The following ACTR3C variants were observed in gnomAD, a reference collection of about 807,000 sequenced individuals.
ACTR3C encodes the protein actin related protein 3C.
Under a neutral mutation model 26.3 loss-of-function variants are expected in ACTR3C, and 18 were observed. That is an observed-to-expected ratio of 0.68 (90% CI 0.47 to 1.01). The LOEUF is 1.01. ACTR3C is among the 50% of genes least tolerant of loss of function. The probability of loss-of-function intolerance (pLI) is 0.00; values close to 1 mark genes in which losing one functional copy is unlikely to be tolerated. For synonymous variants in ACTR3C, 55 were observed against 94.5 expected (o/e 0.58, Z 2.42); for missense variants, 184 against 250.7 (o/e 0.73, Z 1.80).
the ACTR3C span, among the ~76,000 whole-genome samples, chr7:150,160,579 G>A: frequency 2.0e-5 from 3 of 152,126 alleles, no homozygotes; most frequent in African/African-American, 7.2e-5. Context: ...TGCTACAGTT[G>A]TACAGGAATG....
chr7:149,969,576 C>T, the ACTR3C span, among the ~76,000 whole-genome samples: 25 of 152,142 alleles, frequency 1.6e-4, no homozygotes, highest in African/African-American at 5.3e-4. Context: ...TGCCTCTTAT[C>T]TGTACCTAAA....
chr7:150,015,079 C>T, the ACTR3C span, among the ~76,000 whole-genome samples: 1 of 152,198 alleles, frequency 6.6e-6, no homozygotes, highest in Non-Finnish European at 1.5e-5. Context: ...CAGAGTTCTA[C>T]AACTCAGGCA....
At chr7:150,068,637 G>T in the ACTR3C span, among the ~76,000 whole-genome samples, 1 of 122,872 alleles carries the variant, frequency 8.1e-6, no homozygotes, top group South Asian at 2.7e-4. Context: ...AAAAAAAATA[G>T]GCGGGTGTGG....
chr7:150,171,043 A>T, the ACTR3C span, among the ~76,000 whole-genome samples: 1 of 135,644 alleles, frequency 7.4e-6, no homozygotes, highest in South Asian at 2.5e-4. Context: ...ATAGACTGTC[A>T]TACCTCTCTC....
At chr7:149,895,395 G>A in the ACTR3C span, among the ~76,000 whole-genome samples, 2 of 151,682 alleles carry the variant, frequency 1.3e-5, no homozygotes, top group African/African-American at 4.9e-5. Flanking sequence ...CATGTTATGT[G>A]CTCTCACCAC....
chr7:150,319,972 AT>A (rs1035268770), intron 1 of ACTR3C, among the ~76,000 whole-genome samples: 4 of 152,222 alleles, frequency 2.6e-5, no homozygotes, highest in African/African-American at 9.6e-5. Context: ...GAAGATCAGC[AT>A]TTCCTTCCGT....
chr7:150,303,840 G>T (rs184525502), intron 1 of ACTR3C, among the ~76,000 whole-genome samples: 104 of 152,310 alleles, frequency 6.8e-4, no homozygotes, highest in African/African-American at 2.4e-3. Context: ...GAATAATCTG[G>T]TTTTTTAAAT....
At chr7:150,152,775 C>G in the ACTR3C span, among the ~76,000 whole-genome samples, 1 of 152,016 alleles carries the variant, frequency 6.6e-6, no homozygotes, top group Admixed American at 6.6e-5. Flanking sequence ...GTCCTGGACT[C>G]TTTTTGGTTG....
At chr7:150,028,053 ACT>A in the ACTR3C span, among the ~76,000 whole-genome samples, 1 of 152,256 alleles carries the variant, frequency 6.6e-6, no homozygotes, top group African/African-American at 2.4e-5. Flanking sequence ...ACCAGAAAAC[ACT>A]CTTCATTGAA....
At chr7:150,316,114 C>G (rs938824871) in intron 1 of ACTR3C, among the ~76,000 whole-genome samples, 1 of 152,172 alleles carries the variant, frequency 6.6e-6, no homozygotes, top group African/African-American at 2.4e-5. Flanking sequence ...GGATAATTGC[C>G]TGAACCCGGG....
chr7:150,294,163 C>T (rs940520695), intron 2 of ACTR3C, among the ~76,000 whole-genome samples: 15 of 152,132 alleles, frequency 9.9e-5, no homozygotes, highest in African/African-American at 3.1e-4. Context: ...ATTTTTCAAC[C>T]AAAGAAAATG....
the ACTR3C span, among the ~76,000 whole-genome samples, chr7:150,126,251 C>T: frequency 1.1e-4 from 16 of 152,298 alleles, no homozygotes; most frequent in Admixed American, 5.9e-4. Flanking sequence ...CTGGAATACT[C>T]TTGTGTTTGT....
At chr7:150,033,644 A>AC in the ACTR3C span, among the ~76,000 whole-genome samples, 23 of 151,074 alleles carry the variant, frequency 1.5e-4, no homozygotes, top group African/African-American at 4.9e-4. Context: ...CAGAGGGGGA[A>AC]AAGGGAGTGG....
the ACTR3C span, among the ~76,000 whole-genome samples, chr7:149,960,537 T>G: frequency 6.6e-6 from 1 of 152,292 alleles, no homozygotes; most frequent in South Asian, 2.1e-4. Flanking sequence ...AGGGAACATT[T>G]GGGAACACCA....
chr7:150,042,397 C>A, the ACTR3C span, among the ~76,000 whole-genome samples: 74 of 141,712 alleles, frequency 5.2e-4, 1 homozygote, highest in East Asian at 0.011. Context: ...GGAAGAGGGG[C>A]TCGCTCTCAG....
the ACTR3C span, among the ~76,000 whole-genome samples, chr7:150,118,051 A>C: frequency 6.6e-6 from 1 of 152,228 alleles, no homozygotes; most frequent in Non-Finnish European, 1.5e-5. Flanking sequence ...ATAAACAAAA[A>C]GGACAACAAC....
the ACTR3C span, among the ~76,000 whole-genome samples, chr7:150,067,094 G>A: frequency 6.6e-6 from 1 of 152,226 alleles, no homozygotes; most frequent in Non-Finnish European, 1.5e-5. Flanking sequence ...TAGACACAAG[G>A]TCACCTCTTC....
the ACTR3C span, chr7:150,041,253 T>C: frequency 6.6e-6 from 1 of 150,900 alleles, no homozygotes; most frequent in African/African-American, 2.5e-5. Context: ...ACTGCAAAGT[T>C]TGGGATCCAC....
the ACTR3C span, among the ~76,000 whole-genome samples, chr7:150,192,697 T>C: frequency 1.3e-5 from 2 of 152,256 alleles, no homozygotes; most frequent in Non-Finnish European, 2.9e-5. Flanking sequence ...CTTCAATTTA[T>C]TTAATTGATA....
Sources: allele counts gnomAD v4.1 joint callset (sites outside exome capture counted in the v4.1 genomes callset), GRCh38; gene constraint gnomAD v4.1.1; transcripts MANE v1.5; gene names NCBI Gene and HGNC (gene_info 2026-07-23, HGNC 2026-07-21).